Variants in CEP128 observed in about 807,000 individuals in gnomAD.
CEP128 encodes centrosomal protein 128.
Under a neutral mutation model 156.7 loss-of-function variants are expected in CEP128, and 132 were observed. The observed-to-expected ratio is 0.84, with a 90% CI of 0.73 to 0.97. The LOEUF (loss-of-function observed/expected upper bound fraction) is 0.97, where lower values mean the gene tolerates loss of function less well. Ranked by LOEUF, CEP128 falls within the 50% of genes least tolerant of loss-of-function variation. CEP128 has a pLI of 0.00. For synonymous variants in CEP128, 469 were observed against 448.9 expected, an observed-to-expected ratio of 1.04 and a Z score of -0.57; for missense variants, 1,252 against 1,281.9, an observed-to-expected ratio of 0.98 and a Z score of 0.36.
intron 19 of CEP128, among the ~76,000 whole-genome samples, chr14:80,618,907 A>G (rs1893344107): frequency 6.6e-6 from 1 of 152,198 alleles, no homozygotes; most frequent in South Asian, 2.1e-4. Flanking sequence ...ACTGGTCGAT[A>G]AACCAAACTG....
chr14:80,754,343 C>T (rs546608888), intron 18 of CEP128, among the ~76,000 whole-genome samples: 1 of 152,210 alleles, frequency 6.6e-6, no homozygotes, highest in South Asian at 2.1e-4. Flanking sequence ...CAATATTCAT[C>T]TGGGACATCA....
chr14:80,485,243 C>A (rs914890333), intron 14 of CEP128, among the ~76,000 whole-genome samples: 1 of 152,036 alleles, frequency 6.6e-6, no homozygotes, highest in Admixed American at 6.5e-5. Context: ...TGCCCAAAAA[C>A]AAAACAAGAA....
At chr14:80,745,538 T>C (rs1456540714) in intron 18 of CEP128, among the ~76,000 whole-genome samples, 1 of 152,084 alleles carries the variant, frequency 6.6e-6, no homozygotes, top group East Asian at 1.9e-4. Flanking sequence ...AAAATGCATA[T>C]AATAAAGTCA....
intron 17 of CEP128, among the ~76,000 whole-genome samples, chr14:80,759,391 T>C (rs972672058): frequency 6.6e-6 from 1 of 152,174 alleles, no homozygotes; most frequent in Non-Finnish European, 1.5e-5. Context: ...TAAGTGGAAT[T>C]ATTCCTTTTT....
chr14:80,884,548 G>A (rs138370818), intron 8 of CEP128, among the ~76,000 whole-genome samples: 3 of 152,300 alleles, frequency 2.0e-5, no homozygotes, highest in East Asian at 1.9e-4. Flanking sequence ...CCGGGGAAGT[G>A]CAAGGGACTG....
chr14:80,607,476 T>C (rs1292260785), intron 19 of CEP128, among the ~76,000 whole-genome samples: 1 of 152,186 alleles, frequency 6.6e-6, no homozygotes, highest in East Asian at 1.9e-4. Context: ...TTTAAAGTGT[T>C]CACATGCACA....
chr14:80,599,389 C>T (rs1299113415), intron 19 of CEP128, among the ~76,000 whole-genome samples: 1 of 151,204 alleles, frequency 6.6e-6, no homozygotes, highest in Non-Finnish European at 1.5e-5. Context: ...TCTCCTGCCT[C>T]AGCCTCCTGA....
chr14:80,487,715 A>G (rs1229886587), downstream of CEP128, among the ~76,000 whole-genome samples: 1 of 152,210 alleles, frequency 6.6e-6, no homozygotes, highest in Admixed American at 6.5e-5. Context: ...ACTCAGGACT[A>G]AGAAACTCAC....
intron 19 of CEP128, among the ~76,000 whole-genome samples, chr14:80,736,330 C>G (rs778755448): frequency 2.4e-4 from 36 of 151,654 alleles, no homozygotes; most frequent in Non-Finnish European, 1.0e-4. Context: ...AAGCTCAAAT[C>G]GAATCTATTT....
intron 8 of CEP128, among the ~76,000 whole-genome samples, chr14:80,878,443 C>T (rs1888383527): frequency 6.6e-6 from 1 of 152,142 alleles, no homozygotes; most frequent in Non-Finnish European, 1.5e-5. Context: ...ATTACCATTC[C>T]TCAGTCCTTG....
intron 4 of CEP128, among the ~76,000 whole-genome samples, chr14:80,907,161 T>A (rs1883931225): frequency 6.6e-6 from 1 of 152,124 alleles, no homozygotes; most frequent in African/African-American, 2.4e-5. Flanking sequence ...AGCAAACCCT[T>A]TTTCAGTCTG....
At position 80,556,533 on chromosome 14, in the gene CEP128, G is replaced by A. The variant is rs868426796; in HGVS notation, c.2880+2746C>T. Among the ~76,000 whole-genome samples the A allele has an allele frequency of 1.3e-4, 20 of 152,224 alleles. No individual in the cohort carries two copies. In the East Asian group the frequency reaches 3.1e-3, roughly 23 times the overall value. Reference sequence around the variant, plus strand: ...AAGAGAGGGAAAAGTTGAGGAAGACGGGGAAAAATGGGCATGTGACTGTGA... The same window carrying A: ...AAGAGAGGGAAAAGTTGAGGAAGACAGGGAAAAATGGGCATGTGACTGTGA... On this transcript the variant is annotated intron_variant, in intron 21 of 24. Coordinates refer to ENST00000555265, the MANE Select transcript of CEP128 (RefSeq NM_152446.5).
chr14:80,722,027 C>A (rs1477636901), intron 19 of CEP128, among the ~76,000 whole-genome samples: 2 of 152,058 alleles, frequency 1.3e-5, no homozygotes, highest in Non-Finnish European at 2.9e-5. Context: ...AGGATATAAA[C>A]AATAAAACAA....
intron 10 of CEP128, 31 bp downstream of exon 10, chr14:80,840,651 A>T (rs1031371561): frequency 1.4e-6 from 2 of 1,434,936 alleles, no homozygotes; most frequent in Non-Finnish European, 2.0e-6. Flanking sequence ...AAACCACTTT[A>T]TTCTTTGAAA....
intron 19 of CEP128, among the ~76,000 whole-genome samples, chr14:80,685,124 A>T (rs1896476422): frequency 6.6e-6 from 1 of 152,106 alleles, no homozygotes; most frequent in South Asian, 2.1e-4. Flanking sequence ...AAGGAAAGAA[A>T]AACCAACCAA....
At chr14:80,900,880 TG>T (rs1883513437) in intron 6 of CEP128, among the ~76,000 whole-genome samples, 1 of 152,166 alleles carries the variant, frequency 6.6e-6, no homozygotes, top group African/African-American at 2.4e-5. Flanking sequence ...GTCAGGACAG[TG>T]GATACCCCTT....
intron 20 of CEP128, among the ~76,000 whole-genome samples, chr14:80,576,635 G>GTT (rs552637504): frequency 4.7e-5 from 4 of 85,550 alleles, no homozygotes; most frequent in African/African-American, 1.8e-4. Flanking sequence ...GTGTGTGTGT[G>GTT]TGTGTGTGTG....
chr14:80,583,442 G>A (rs1020009013), intron 19 of CEP128, among the ~76,000 whole-genome samples: 6 of 152,056 alleles, frequency 3.9e-5, no homozygotes, highest in Non-Finnish European at 7.4e-5. Context: ...TCCTGCTGCA[G>A]AAGCAGGTCA....
chr14:80,893,640 A>G (rs1201814408), intron 8 of CEP128, among the ~76,000 whole-genome samples: 1 of 152,020 alleles, frequency 6.6e-6, no homozygotes, highest in African/African-American at 2.4e-5. Flanking sequence ...AAATTTACAA[A>G]ACAAAAAAAG....
Sources: allele counts gnomAD v4.1 joint callset (sites outside exome capture counted in the v4.1 genomes callset), GRCh38; gene constraint gnomAD v4.1.1; transcripts MANE v1.5; gene names NCBI Gene and HGNC (gene_info 2026-07-23, HGNC 2026-07-21).